Variants in PKNOX2 observed in about 807,000 individuals in gnomAD.
PKNOX2 encodes PBX/knotted 1 homeobox 2, also known as homeobox protein PKNOX2.
In PKNOX2, 14 loss-of-function variants were observed where a neutral mutation model predicts 53.1. That is an observed-to-expected ratio of 0.26 (90% CI 0.17 to 0.41). The LOEUF (loss-of-function observed/expected upper bound fraction) is 0.41, where lower values mean the gene tolerates loss of function less well. Ranked by LOEUF, PKNOX2 falls within the 10% of genes least tolerant of loss-of-function variation. PKNOX2 has a pLI of 1.00. For missense variants in PKNOX2, 496 were observed against 602.8 expected, an observed-to-expected ratio of 0.82 and a Z score of 1.85; for synonymous variants, 257 against 242.8, an observed-to-expected ratio of 1.06 and a Z score of -0.54.
At chr11:125,401,549 T>A (rs1478574776) in intron 7 of PKNOX2, among the ~76,000 whole-genome samples, 1 of 152,128 alleles carries the variant, frequency 6.6e-6, no homozygotes, top group East Asian at 1.9e-4. Flanking sequence ...TCTCTGGCCA[T>A]CCCTCGGCCC....
chr11:125,364,865 T>C (rs562319726), intron 4 of PKNOX2, among the ~76,000 whole-genome samples: 1 of 152,098 alleles, frequency 6.6e-6, no homozygotes, highest in African/African-American at 2.4e-5. Flanking sequence ...GCTTCAGATA[T>C]CATGTAATCC....
intron 4 of PKNOX2, among the ~76,000 whole-genome samples, chr11:125,360,684 C>T (rs1048565515): frequency 2.0e-5 from 3 of 152,168 alleles, no homozygotes; most frequent in African/African-American, 7.2e-5. Context: ...GTAGGACCCC[C>T]AGGGCAGCCC....
chr11:125,257,984 T>C (rs1944542309), intron 2 of PKNOX2, among the ~76,000 whole-genome samples: 2 of 152,180 alleles, frequency 1.3e-5, no homozygotes, highest in Non-Finnish European at 2.9e-5. Context: ...TCAGGGCACC[T>C]GAGCTTGCAG....
At chr11:125,368,307 C>T (rs1565508302) in intron 5 of PKNOX2, among the ~76,000 whole-genome samples, 1 of 152,190 alleles carries the variant, frequency 6.6e-6, no homozygotes, top group East Asian at 1.9e-4. Flanking sequence ...TTTCCTCGCC[C>T]TGTGTCCTGT....
At chr11:125,413,729 C>T (rs1170508566) in intron 10 of PKNOX2, among the ~76,000 whole-genome samples, 1 of 152,196 alleles carries the variant, frequency 6.6e-6, no homozygotes, top group African/African-American at 2.4e-5. Flanking sequence ...AGGACCCTGG[C>T]CCACTGAATT....
Position 125,215,562 on chromosome 11 carries a change from A to T in PKNOX2, c.-200-19483A>T, listed in dbSNP as rs565585813. 2.2e-3 allele frequency among the ~76,000 whole-genome samples: 340 copies of T among 152,004 alleles called. 2 individuals are homozygous for T. Among genetic ancestry groups the T allele is most frequent in the Non-Finnish European group, 4.0e-3 (274 of 67,934 alleles). ...AGGTCAGGAGTTCAAGACCAGCCTG[A>T]CCAACACGGCGAAACCCCATCTCTA... On this transcript the variant is annotated intron_variant, in intron 1 of 12. Transcript: ENST00000298282.
intron 10 of PKNOX2, among the ~76,000 whole-genome samples, chr11:125,418,471 T>G (rs1030471811): frequency 1.3e-5 from 2 of 151,988 alleles, no homozygotes; most frequent in Non-Finnish European, 2.9e-5. Flanking sequence ...CAGCTATCCT[T>G]CCCCCAGCCT....
chr11:125,376,389 C>T (rs187526185), intron 5 of PKNOX2, among the ~76,000 whole-genome samples: 5 of 152,196 alleles, frequency 3.3e-5, no homozygotes, highest in East Asian at 1.9e-4. Flanking sequence ...CTCCCACCCC[C>T]CTCTGTTCTC....
In PKNOX2 at chr11:125,283,795, T is replaced by C. The variant is rs181293453; in HGVS notation, c.-129-48024T>C. Among the ~76,000 whole-genome samples, 4 of 152,274 alleles carry C rather than the reference T, an allele frequency of 2.6e-5. No homozygotes were observed. In the East Asian group the frequency reaches 5.8e-4, roughly 22 times the overall value. ...TGGGGAGTGGGGAAGAAGGGAATCA[T>C]GTTTGTGTCCAGGATAGAAAGGTGC... On this transcript the variant is annotated intron_variant, in intron 2 of 12. Coordinates refer to ENST00000298282, the MANE Select transcript of PKNOX2 (RefSeq NM_001382323.2).
intron 2 of PKNOX2, among the ~76,000 whole-genome samples, chr11:125,321,528 G>A (rs1156757406): frequency 6.6e-6 from 1 of 152,208 alleles, no homozygotes; most frequent in African/African-American, 2.4e-5. Context: ...CACATGTTCA[G>A]TACAGATTAA....
rs928481393 is a variant in PKNOX2, at chr11:125,255,701, G to A, written c.-130+20586G>A. On this transcript the variant is annotated intron_variant, in intron 2 of 12. Transcript: ENST00000298282. ...GGGGTGACGTACTAGAGAGTAACAGGGTGGTTGTTGGGAGGTGGGGGGCAA... is the reference window on the plus strand; with the variant it reads ...GGGGTGACGTACTAGAGAGTAACAGAGTGGTTGTTGGGAGGTGGGGGGCAA... 2.0e-5 allele frequency among the ~76,000 whole-genome samples: 3 copies of A among 151,938 alleles called. No homozygotes were observed. In the South Asian group the frequency reaches 6.2e-4, roughly 32 times the overall value.
chr11:125,413,055 G>A (rs986136514), intron 10 of PKNOX2, among the ~76,000 whole-genome samples: 9 of 152,178 alleles, frequency 5.9e-5, no homozygotes, highest in African/African-American at 2.2e-4. Context: ...GATGAGAGCC[G>A]GAGCTCGGCA....
At chr11:125,353,240 A>G (rs1324063429) in intron 4 of PKNOX2, among the ~76,000 whole-genome samples, 1 of 152,140 alleles carries the variant, frequency 6.6e-6, no homozygotes, top group Non-Finnish European at 1.5e-5. Context: ...CCAAGACTCA[A>G]GGACAGACCA....
intron 1 of PKNOX2, chr11:125,184,220 C>T (rs1226513086): frequency 1.3e-5 from 2 of 152,258 alleles, no homozygotes; most frequent in Non-Finnish European, 2.9e-5. Context: ...AAGAGTGATG[C>T]TCTCAGAGGA....
In PKNOX2 at chr11:125,298,767, T is replaced by C. The variant is rs573059511; in HGVS notation, c.-129-33052T>C. On this transcript the variant is annotated intron_variant, in intron 2 of 12. Transcript: ENST00000298282. ...AAGAAGCCAAACAGTGGCCTCAGAC[T>C]TTGGCTCGTGACCTTGACGTATTCC... Among the ~76,000 whole-genome samples, 5 of 152,318 alleles carry C rather than the reference T, an allele frequency of 3.3e-5. No individual in the cohort carries two copies. In the South Asian group the frequency reaches 6.2e-4, roughly 19 times the overall value.
intron 1 of PKNOX2, among the ~76,000 whole-genome samples, chr11:125,169,271 C>T (rs1955111170): frequency 6.6e-6 from 1 of 152,186 alleles, no homozygotes; most frequent in South Asian, 2.1e-4. Context: ...AGCCAACACA[C>T]CATGCTTTGT....
intron 1 of PKNOX2, among the ~76,000 whole-genome samples, chr11:125,222,605 CTGTGTGTATG>C (rs1284645332): frequency 0.014 from 1,996 of 140,758 alleles, 54 homozygotes; most frequent in African/African-American, 0.047. Flanking sequence ...GTGTGTGTGT[CTGTGTGTATG>C]TGTGTGTATG....
At chr11:125,204,126 C>G (rs139232834) in intron 1 of PKNOX2, among the ~76,000 whole-genome samples, 1 of 152,094 alleles carries the variant, frequency 6.6e-6, no homozygotes, top group Non-Finnish European at 1.5e-5. Flanking sequence ...GACACCAGAG[C>G]GGGAAAGAAT....
At chr11:125,361,246 G>A (rs948874779) in intron 4 of PKNOX2, among the ~76,000 whole-genome samples, 2 of 152,204 alleles carry the variant, frequency 1.3e-5, no homozygotes, top group African/African-American at 4.8e-5. Flanking sequence ...GTCTAGTGAG[G>A]AGGGAGGCGA....
Sources: allele counts gnomAD v4.1 joint callset (sites outside exome capture counted in the v4.1 genomes callset), GRCh38; gene constraint gnomAD v4.1.1; transcripts MANE v1.5; gene names NCBI Gene and HGNC (gene_info 2026-07-23, HGNC 2026-07-21).